The following PTN variants were observed in gnomAD, a reference collection of about 807,000 sequenced individuals.
PTN encodes the protein heparin affin regulatory protein.
PTN carries 18 observed loss-of-function variants against 24.1 expected under a neutral mutation model. The observed-to-expected ratio is 0.75, with a 90% CI of 0.52 to 1.11. The LOEUF (loss-of-function observed/expected upper bound fraction) is 1.11, where lower values mean the gene tolerates loss of function less well. PTN is among the 50% of genes least tolerant of loss of function. PTN has a pLI of 0.00. For synonymous variants in PTN, 78 were observed against 68.6 expected (o/e 1.14, Z -0.67); for missense variants, 163 against 198.8 (o/e 0.82, Z 1.08).
chr7:137,234,669 A>G (rs1808488445), intron 4 of PTN, among the ~76,000 whole-genome samples: 1 of 152,110 alleles, frequency 6.6e-6, no homozygotes, highest in South Asian at 2.1e-4. Context: ...AAGATTGTTC[A>G]AAGACCTTAA....
At chr7:137,308,171 C>A (rs1438813163) in intron 1 of PTN, among the ~76,000 whole-genome samples, 1 of 152,144 alleles carries the variant, frequency 6.6e-6, no homozygotes, top group African/African-American at 2.4e-5. Context: ...TGAGCCAACT[C>A]ATTGTTTATT....
intron 1 of PTN, among the ~76,000 whole-genome samples, chr7:137,269,975 T>A (rs1417291189): frequency 6.6e-6 from 1 of 152,158 alleles, no homozygotes; most frequent in Non-Finnish European, 1.5e-5. Flanking sequence ...TTTCCAAAAC[T>A]ATCTTGACAC....
chr7:137,261,516 A>G (rs1177191297), intron 1 of PTN, among the ~76,000 whole-genome samples: 2 of 152,178 alleles, frequency 1.3e-5, no homozygotes, highest in Non-Finnish European at 2.9e-5. Context: ...GTAATCAGAC[A>G]TTTTAGTCAT....
chr7:137,247,787 C>T (rs181945289), intron 4 of PTN, among the ~76,000 whole-genome samples: 2 of 152,086 alleles, frequency 1.3e-5, no homozygotes, highest in Admixed American at 6.6e-5. Flanking sequence ...ACACCTACCA[C>T]ATATCCACAA....
rs1332983199 is a variant in PTN, at chr7:137,253,422, T to G, written c.289+42A>C. ...GACATTTGGTGGAAAAATTTGAGAATTATCTCAGAGTAGGAGATTAACTCA... is the reference window on the plus strand; with the variant it reads ...GACATTTGGTGGAAAAATTTGAGAAGTATCTCAGAGTAGGAGATTAACTCA... On this transcript the variant is annotated intron_variant, in intron 3 of 4. Transcript: ENST00000348225. The G allele has an allele frequency of 3.3e-6, 5 of 1,506,196 alleles. No homozygotes were observed. The African/African-American group carries it at 7.0e-5, about 21-fold the overall frequency. 93.3% of individuals were successfully genotyped at this position (1,506,196 alleles called of 1,614,324 possible).
At chr7:137,323,790 C>T (rs1341732902) in intron 1 of PTN, among the ~76,000 whole-genome samples, 1 of 152,166 alleles carries the variant, frequency 6.6e-6, no homozygotes, top group Non-Finnish European at 1.5e-5. Flanking sequence ...GCTGGCCCTA[C>T]CCTCAGAGTC....
chr7:137,228,004 C>T lies in PTN; in HGVS notation c.*16G>A. ...TGTTTGCTGATGTCCTTTTTATGTT[C>T]CACAGGTGACATCTTTTAATCCAGC... is the stretch of plus-strand genomic sequence containing the variant. On this transcript the variant is annotated 3_prime_UTR_variant, in exon 5 of 5. Transcript: ENST00000348225. 6.2e-7 allele frequency: 1 copy of T among 1,607,068 alleles called. No homozygotes were observed. The highest frequency in any genetic ancestry group is 8.5e-7 in the Non-Finnish European group (1 of 1,176,536).
At chr7:137,260,367 A>AT (rs1210528994) in intron 1 of PTN, among the ~76,000 whole-genome samples, 1 of 152,110 alleles carries the variant, frequency 6.6e-6, no homozygotes, top group Non-Finnish European at 1.5e-5. Context: ...TTATTGTAAG[A>AT]TTTTTCCAGT....
At chr7:137,272,299 G>T (rs556948131) in intron 1 of PTN, among the ~76,000 whole-genome samples, 1 of 152,304 alleles carries the variant, frequency 6.6e-6, no homozygotes, top group Non-Finnish European at 1.5e-5. Context: ...TAGCCAGAAA[G>T]AAGTACTTAT....
chr7:137,271,385 G>C (rs322238), intron 1 of PTN, among the ~76,000 whole-genome samples: 83,130 of 151,980 alleles, frequency 0.55, 24,036 homozygotes, highest in Admixed American at 0.69. Flanking sequence ...TATCACCTCT[G>C]TTCCCTATTA....
At chr7:137,253,080 TA>T (rs1225154479) in intron 3 of PTN, among the ~76,000 whole-genome samples, 2 of 152,148 alleles carry the variant, frequency 1.3e-5, no homozygotes, top group Non-Finnish European at 2.9e-5. Flanking sequence ...ACAGATCAAT[TA>T]ACATTATTCA....
At chr7:137,254,237 C>G (rs987224526) in intron 2 of PTN, among the ~76,000 whole-genome samples, 2 of 149,726 alleles carry the variant, frequency 1.3e-5, no homozygotes, top group Non-Finnish European at 3.0e-5. Context: ...ACAGAGGATA[C>G]AGTGAGTTGA....
chr7:137,246,324 G>A (rs1808722979), intron 4 of PTN, among the ~76,000 whole-genome samples: 1 of 152,068 alleles, frequency 6.6e-6, no homozygotes, highest in Non-Finnish European at 1.5e-5. Flanking sequence ...AGGAGCAATC[G>A]GCTATACCTT....
At chr7:137,243,841 G>T (rs570096633) in intron 4 of PTN, among the ~76,000 whole-genome samples, 8 of 152,244 alleles carry the variant, frequency 5.3e-5, no homozygotes, top group Admixed American at 4.6e-4. Context: ...GACAGTAATT[G>T]CAGCAGAAAG....
At chr7:137,278,232 G>A (rs1203893192) in intron 1 of PTN, among the ~76,000 whole-genome samples, 2 of 144,842 alleles carry the variant, frequency 1.4e-5, no homozygotes, top group East Asian at 2.1e-4. Flanking sequence ...GCGTGAACCC[G>A]GGAGGCGGAG....
intron 4 of PTN, among the ~76,000 whole-genome samples, chr7:137,231,712 C>A (rs1808429607): frequency 6.6e-6 from 1 of 151,840 alleles, no homozygotes; most frequent in Admixed American, 6.6e-5. Flanking sequence ...AAGAGTATTT[C>A]TCAAGGAAAG....
At chr7:137,256,968 C>G (rs1180095708) in intron 1 of PTN, among the ~76,000 whole-genome samples, 1 of 152,140 alleles carries the variant, frequency 6.6e-6, no homozygotes, top group Non-Finnish European at 1.5e-5. Flanking sequence ...GATACCATCT[C>G]AAGCCAGTCA....
At chr7:137,254,802 T>C in intron 2 of PTN, 57 bp downstream of exon 2, 1 of 1,189,410 alleles carries the variant, frequency 8.4e-7, no homozygotes, top group Non-Finnish European at 1.2e-6. Context: ...AGCAGGTAAT[T>C]AGACTAGATG....
chr7:137,266,868 C>CTTTT (rs57274644), intron 1 of PTN, among the ~76,000 whole-genome samples: 2 of 98,742 alleles, frequency 2.0e-5, no homozygotes, highest in East Asian at 3.7e-4. Flanking sequence ...TATAGATGGC[C>CTTTT]TTTTTTTTTT....
Sources: allele counts gnomAD v4.1 joint callset (sites outside exome capture counted in the v4.1 genomes callset), GRCh38; gene constraint gnomAD v4.1.1; transcripts MANE v1.5; gene names NCBI Gene and HGNC (gene_info 2026-07-23, HGNC 2026-07-21).